SYBU: variants seen among roughly 807,000 people sequenced by gnomAD.
SYBU encodes the protein syntabulin, also known as GOLSYN A protein.
In SYBU, 21 loss-of-function variants were observed where a neutral mutation model predicts 35.9. That is an observed-to-expected ratio of 0.58 (90% CI 0.41 to 0.84). SYBU has a LOEUF of 0.84. Ranked by LOEUF, SYBU falls within the 40% of genes least tolerant of loss-of-function variation. The probability of loss-of-function intolerance (pLI) is 0.00; values close to 1 mark genes in which losing one functional copy is unlikely to be tolerated. For synonymous variants in SYBU, 319 were observed against 324.3 expected (o/e 0.98, Z 0.18); for missense variants, 768 against 848.2 (o/e 0.91, Z 1.17).
At position 109,625,136 on chromosome 8, in the gene SYBU, TA is replaced by T. The variant is rs59065071; in HGVS notation, c.230-6098del. Among the ~76,000 whole-genome samples, 14 of 144,856 alleles carry T rather than the reference TA, an allele frequency of 9.7e-5. No homozygotes were observed. In the East Asian group the frequency reaches 1.4e-3, roughly 14 times the overall value. Reference sequence around the variant, plus strand: ...ATTACGTAAGAAAATGTGCTTTTTTTAAAAAAAAAAGTTATGCATGCTGAGG... The same window carrying T: ...ATTACGTAAGAAAATGTGCTTTTTTTAAAAAAAAAGTTATGCATGCTGAGG... On this transcript the variant is annotated intron_variant, in intron 2 of 6. Coordinates refer to ENST00000276646, the MANE Select transcript of SYBU (RefSeq NM_001099754.2).
chr8:109,670,275 T>G (rs1170053076), intron 1 of SYBU, among the ~76,000 whole-genome samples: 1 of 151,946 alleles, frequency 6.6e-6, no homozygotes, highest in East Asian at 1.9e-4. Context: ...ACTTTTAAGT[T>G]CTAGGGTACC....
intron 1 of SYBU, 66 bp downstream of exon 1, chr8:109,644,570 C>G: frequency 1.3e-6 from 2 of 1,513,810 alleles, no homozygotes; most frequent in Non-Finnish European, 1.8e-6. Context: ...CTCATCCCGC[C>G]GCTTCTCGCC....
intron 1 of SYBU, chr8:109,644,077 A>C (rs1586929825): frequency 2.2e-6 from 1 of 456,184 alleles, no homozygotes; most frequent in Non-Finnish European, 4.4e-6. Context: ...CAAAATAAAC[A>C]CCTCTGGGAG....
chr8:109,574,230 T>C lies in SYBU; in HGVS notation c.*676A>G, dbSNP rs1821959669. ...ATTTAAATGGAAACACTAATCTTTA[T>C]TTTCATCATGCTGAAGTGTGTGGTT... On this transcript the variant is annotated 3_prime_UTR_variant, in exon 7 of 7. Coordinates refer to ENST00000276646, the MANE Select transcript of SYBU (RefSeq NM_001099754.2). 1 of 152,626 alleles carries C rather than the reference T, an allele frequency of 6.6e-6. No individual in the cohort carries two copies. The highest frequency in any genetic ancestry group is 6.5e-5 in the Admixed American group (1 of 15,286). 9.5% of individuals were successfully genotyped at this position (152,626 alleles called of 1,614,324 possible). A position where few individuals can be genotyped will look rare whatever the true frequency, so the allele number is the denominator to read the frequency against.
chr8:109,674,251 GA>G (rs57756111), intron 1 of SYBU, among the ~76,000 whole-genome samples: 52 of 145,338 alleles, frequency 3.6e-4, no homozygotes, highest in East Asian at 2.4e-3. Context: ...AGGTTGAAAT[GA>G]AAAAAAAAAA....
upstream of SYBU, chr8:109,647,506 A>G (rs1342724862): frequency 6.6e-6 from 1 of 152,234 alleles, no homozygotes; most frequent in Non-Finnish European, 1.5e-5. Flanking sequence ...TGATCTCCTC[A>G]GAATTCCCCA....
chr8:109,625,895 T>G (rs2130457282), intron 2 of SYBU, among the ~76,000 whole-genome samples: 1 of 152,350 alleles, frequency 6.6e-6, no homozygotes, highest in East Asian at 1.9e-4. Context: ...TCCAAGAAGT[T>G]TGAGACAACT....
chr8:109,626,813 C>A (rs918536856), intron 2 of SYBU, among the ~76,000 whole-genome samples: 4 of 152,162 alleles, frequency 2.6e-5, no homozygotes, highest in Non-Finnish European at 5.9e-5. Context: ...TTGCAGTGAG[C>A]CACGATTGCA....
chr8:109,666,529 T>C (rs1343454547), intron 1 of SYBU, among the ~76,000 whole-genome samples: 1 of 152,116 alleles, frequency 6.6e-6, no homozygotes, highest in Non-Finnish European at 1.5e-5. Flanking sequence ...TCACTTGAGG[T>C]CAGGAGTTTG....
At chr8:109,614,285 T>TA (rs1292702763) in intron 3 of SYBU, among the ~76,000 whole-genome samples, 1 of 152,224 alleles carries the variant, frequency 6.6e-6, no homozygotes, top group Non-Finnish European at 1.5e-5. Flanking sequence ...AGTCAAGCCT[T>TA]AAATGAGGCC....
At chr8:109,690,104 T>C (rs77476857) in intron 1 of SYBU, among the ~76,000 whole-genome samples, 7,393 of 152,220 alleles carry the variant, frequency 0.049, 580 homozygotes, top group African/African-American at 0.17. Context: ...CATTATGAAT[T>C]GAAGAGCGTA....
intron 1 of SYBU, among the ~76,000 whole-genome samples, chr8:109,671,575 C>G (rs3134326): frequency 2.0e-5 from 3 of 152,064 alleles, no homozygotes; most frequent in Non-Finnish European, 4.4e-5. Context: ...CCCTAAAATA[C>G]TTTGAGCGAT....
intron 3 of SYBU, among the ~76,000 whole-genome samples, chr8:109,600,570 G>T (rs1052319999): frequency 6.6e-6 from 1 of 152,168 alleles, no homozygotes. Flanking sequence ...TGCAGAAATG[G>T]TATCATTAAC....
Position 109,644,782 on chromosome 8 carries a change from G to A in SYBU, c.-123C>T. The A allele has an allele frequency of 1.0e-6, 1 of 990,622 alleles. No homozygotes were observed. Among genetic ancestry groups the A allele is most frequent in the Non-Finnish European group, 1.3e-6 (1 of 743,396 alleles). 61.4% of individuals were successfully genotyped at this position (990,622 alleles called of 1,614,324 possible). ...GGCTGCGGGCGGCGGCTCTTGGTGA[G>A]GCTCCAACGCGCCGCCGCCGCCACT... On this transcript the variant is annotated 5_prime_UTR_variant, in exon 1 of 7. Transcript: ENST00000276646.
chr8:109,632,683 G>GA (rs1813772192), intron 2 of SYBU, among the ~76,000 whole-genome samples: 1 of 152,000 alleles, frequency 6.6e-6, no homozygotes, highest in Non-Finnish European at 1.5e-5. Context: ...TAGAGTCAAA[G>GA]AAAAAATATA....
At chr8:109,591,394 T>C (rs888109836) in intron 3 of SYBU, among the ~76,000 whole-genome samples, 1 of 152,168 alleles carries the variant, frequency 6.6e-6, no homozygotes, top group Admixed American at 6.5e-5. Context: ...TTTTATTATC[T>C]TTCTGAGCAA....
At chr8:109,689,947 TAA>T (rs1256491400) in intron 1 of SYBU, among the ~76,000 whole-genome samples, 6 of 151,226 alleles carry the variant, frequency 4.0e-5, no homozygotes, top group African/African-American at 1.5e-4. Flanking sequence ...TCTGTAAAAA[TAA>T]AGTTTTGGAC....
At chr8:109,615,885 T>A (rs554997612) in intron 3 of SYBU, among the ~76,000 whole-genome samples, 1 of 152,280 alleles carries the variant, frequency 6.6e-6, no homozygotes, top group South Asian at 2.1e-4. Flanking sequence ...ATAGTTTTAA[T>A]GATTCTCAAG....
chr8:109,583,220 T>C (rs765000208), intron 4 of SYBU, among the ~76,000 whole-genome samples: 1 of 152,260 alleles, frequency 6.6e-6, no homozygotes, highest in South Asian at 2.1e-4. Flanking sequence ...CTCACACATA[T>C]CATCTCATTT....
Sources: allele counts gnomAD v4.1 joint callset (sites outside exome capture counted in the v4.1 genomes callset), GRCh38; gene constraint gnomAD v4.1.1; transcripts MANE v1.5; gene names NCBI Gene and HGNC (gene_info 2026-07-23, HGNC 2026-07-21).